SMNDC1: variants seen among roughly 807,000 people sequenced by gnomAD.
SMNDC1 encodes survival of motor neuron-related-splicing factor 30.
In SMNDC1, 5 loss-of-function variants were observed where a neutral mutation model predicts 29.2. The ratio of observed to expected loss-of-function variants is 0.17; its 90% confidence interval spans 0.09 to 0.36. SMNDC1 has a LOEUF of 0.36. Ranked by LOEUF, SMNDC1 falls within the 10% of genes least tolerant of loss-of-function variation. The pLI, the probability that SMNDC1 is intolerant of heterozygous loss-of-function variation, is 1.00. For missense variants in SMNDC1, 142 were observed against 268.5 expected (o/e 0.53, Z 3.29); for synonymous variants, 80 against 89.9 (o/e 0.89, Z 0.62).
intron 2 of SMNDC1, chr10:110,300,739 G>C: frequency 1.0e-6 from 1 of 985,122 alleles, no homozygotes. Context: ...GAGAGCCACT[G>C]TAATATATGA....
At chr10:110,302,376 TTGTG>T (rs1590430625) in intron 2 of SMNDC1, among the ~76,000 whole-genome samples, 1 of 152,194 alleles carries the variant, frequency 6.6e-6, no homozygotes, top group South Asian at 2.1e-4. Context: ...CCCAGATAGT[TTGTG>T]TGTGTTTAAA....
At position 110,295,385 on chromosome 10, in the gene SMNDC1, C is replaced by A. The variant is rs1433446720; in HGVS notation, c.426-4G>T. 6.4e-7 allele frequency: 1 copy of A among 1,572,488 alleles called. No individual in the cohort carries two copies. Among genetic ancestry groups the A allele is most frequent in the Non-Finnish European group, 8.6e-7 (1 of 1,166,814 alleles). On this transcript the variant is annotated splice_region_variant and splice_polypyrimidine_tract_variant and intron_variant, in intron 4 of 5. Coordinates refer to ENST00000369603, the MANE Select transcript of SMNDC1 (RefSeq NM_005871.4). Reference sequence around the variant, plus strand: ...CTGCTGGGCAATCATTTCTTTTCTGCATGAAAAAAAGTTAAATGTCAACTG... The same window carrying A: ...CTGCTGGGCAATCATTTCTTTTCTGAATGAAAAAAAGTTAAATGTCAACTG...
At chr10:110,298,497 G>T in intron 3 of SMNDC1, 151 bp downstream of exon 3, 1 of 574,978 alleles carries the variant, frequency 1.7e-6, no homozygotes, top group South Asian at 3.3e-5. Flanking sequence ...CTGTATTAAT[G>T]GCAACCACCC....
chr10:110,303,433 AC>A (rs1271987095), intron 2 of SMNDC1, 34 bp downstream of exon 2: 1 of 1,535,610 alleles, frequency 6.5e-7, no homozygotes, highest in Non-Finnish European at 8.7e-7. Context: ...AATTTGAAAA[AC>A]AGAGAAAAAG....
intron 4 of SMNDC1, among the ~76,000 whole-genome samples, chr10:110,296,776 T>C (rs1857567549): frequency 6.6e-6 from 1 of 152,112 alleles, no homozygotes; most frequent in Admixed American, 6.6e-5. Context: ...ACCTCTCTAA[T>C]CTCTTCTCAG....
At chr10:110,303,156 C>G (rs1014229382) in intron 2 of SMNDC1, among the ~76,000 whole-genome samples, 1 of 152,190 alleles carries the variant, frequency 6.6e-6, no homozygotes, top group South Asian at 2.1e-4. Flanking sequence ...AAACTAAAAG[C>G]GTTTTTCATT....
At chr10:110,297,784 A>G (rs1857587101) in intron 3 of SMNDC1, 56 bp from the exon 4 acceptor site, 1 of 1,497,288 alleles carries the variant, frequency 6.7e-7, no homozygotes, top group South Asian at 1.2e-5. Flanking sequence ...CTCAGCCTAC[A>G]AGACTTATAC....
intron 2 of SMNDC1, among the ~76,000 whole-genome samples, chr10:110,300,244 C>G (rs962819786): frequency 6.6e-6 from 1 of 152,142 alleles, no homozygotes; most frequent in Non-Finnish European, 1.5e-5. Flanking sequence ...ATTTAGAACT[C>G]TATTTCTTTT....
In SMNDC1 at chr10:110,304,860, A is replaced by T. The variant is rs1283293207; in HGVS notation, c.-113T>A. 6.5e-6 allele frequency: 1 copy of T among 152,868 alleles called. No individual in the cohort carries two copies. The highest frequency in any genetic ancestry group is 1.9e-4 in the East Asian group (1 of 5,200). The allele number at this position is 152,868 out of a possible 1,614,324, so 9.5% of individuals were successfully genotyped here. A position where few individuals can be genotyped will look rare whatever the true frequency, so the allele number is the denominator to read the frequency against. ...GTAGCAGGAAAATCACCGCGACGAC[A>T]GCAAGGCGACCCGGTCTGAAAAGGA... On this transcript the variant is annotated 5_prime_UTR_variant, in exon 1 of 6. Transcript: ENST00000369603.
At chr10:110,298,052 A>C (rs940332901) in intron 3 of SMNDC1, among the ~76,000 whole-genome samples, 9 of 152,130 alleles carry the variant, frequency 5.9e-5, no homozygotes, top group African/African-American at 1.7e-4. Flanking sequence ...GCAGTAGTGC[A>C]ATCTCAGCTC....
At chr10:110,300,242 CTCTATT>C (rs1253420275) in intron 2 of SMNDC1, among the ~76,000 whole-genome samples, 1 of 152,150 alleles carries the variant, frequency 6.6e-6, no homozygotes, top group African/African-American at 2.4e-5. Context: ...AGATTTAGAA[CTCTATT>C]TCTTTTAGGA....
In SMNDC1 at chr10:110,299,650, T is replaced by G. The variant is rs551995235; in HGVS notation, c.121-860A>C. Among the ~76,000 whole-genome samples, 5 of 152,370 alleles carry G rather than the reference T, an allele frequency of 3.3e-5. No individual in the cohort carries two copies. In the South Asian group the frequency reaches 1.0e-3, roughly 32 times the overall value. On this transcript the variant is annotated intron_variant, in intron 2 of 5. Coordinates refer to ENST00000369603, the MANE Select transcript of SMNDC1 (RefSeq NM_005871.4). ...TATGCATCTTATCTGATCTAAGAAC[T>G]TGCATAGCTGTTCACCCATTGTTGC...
At position 110,298,802 on chromosome 10, in the gene SMNDC1, A is replaced by G; in HGVS notation, c.121-12T>C. ...AGTTCTATAACTTCCTAAAAAAGAA[A>G]AACAAAAACTACAACATTATTTTTA... On this transcript the variant is annotated splice_polypyrimidine_tract_variant and intron_variant, in intron 2 of 5. Coordinates refer to ENST00000369603, the MANE Select transcript of SMNDC1 (RefSeq NM_005871.4). The G allele has an allele frequency of 6.3e-7, 1 of 1,590,204 alleles. No homozygotes were observed. The highest frequency in any genetic ancestry group is 1.4e-5 in the African/African-American group (1 of 73,724).
In SMNDC1 at chr10:110,298,701, A is replaced by C. The variant is rs1359526169; in HGVS notation, c.210T>G (p.Thr70=). The C allele has an allele frequency of 5.6e-6, 9 of 1,613,538 alleles. No individual in the cohort carries two copies. The highest frequency in any genetic ancestry group is 7.6e-6 in the Non-Finnish European group (9 of 1,179,688). ...ACTTGTCTCCTACTTTCCATGAATG[A>C]GTAGGTTGAGTAGAAGCAAAACTGT... ...SSDSFASTQP[T]HSWKVGDKCM... Residue 70 remains threonine (T), a synonymous_variant, in exon 3 of 6, where the codon ACT becomes ACG. Coordinates refer to ENST00000369603, the MANE Select transcript of SMNDC1 (RefSeq NM_005871.4).
chr10:110,303,001 C>T (rs1170435077), intron 2 of SMNDC1, among the ~76,000 whole-genome samples: 1 of 151,620 alleles, frequency 6.6e-6, no homozygotes, highest in African/African-American at 2.4e-5. Flanking sequence ...GTTTTCAATA[C>T]AAAATGTAAT....
chr10:110,303,922 C>A (rs142592693), intron 1 of SMNDC1: 43 of 215,134 alleles, frequency 2.0e-4, no homozygotes, highest in African/African-American at 9.5e-4. Flanking sequence ...TTAAAAAGCA[C>A]TACTCTGTTG....
chr10:110,303,041 C>A (rs1000644394), intron 2 of SMNDC1, among the ~76,000 whole-genome samples: 3 of 152,048 alleles, frequency 2.0e-5, no homozygotes, highest in Non-Finnish European at 4.4e-5. Context: ...AAAAAAGGCA[C>A]GCATTTTCAA....
At chr10:110,298,576 C>A in intron 3 of SMNDC1, 72 bp downstream of exon 3, 2 of 1,330,670 alleles carry the variant, frequency 1.5e-6, no homozygotes, top group Admixed American at 2.1e-5. Context: ...GTAGTTAAAA[C>A]TGAATAAAAA....
chr10:110,296,433 C>T (rs1020690399), intron 4 of SMNDC1, among the ~76,000 whole-genome samples: 4 of 152,106 alleles, frequency 2.6e-5, no homozygotes, highest in African/African-American at 4.8e-5. Flanking sequence ...TATTGGAATG[C>T]TTACATTAAT....
Sources: gnomAD v4.1 joint callset for allele counts (sites outside exome capture counted in the v4.1 genomes callset) on GRCh38, gnomAD v4.1.1 for gene constraint, MANE v1.5 for transcripts, NCBI Gene and HGNC (gene_info 2026-07-23, HGNC 2026-07-21) for gene names.